The following PLEKHA5 variants were observed in gnomAD, a reference collection of about 807,000 sequenced individuals.
PLEKHA5 encodes pleckstrin homology domain-containing family A member 5.
A neutral mutation model predicts 181.9 loss-of-function variants in PLEKHA5; 55 were observed. The ratio of observed to expected loss-of-function variants is 0.30; its 90% CI spans 0.24 to 0.38. PLEKHA5 has a LOEUF of 0.38. Ranked by LOEUF, PLEKHA5 falls within the 10% of genes least tolerant of loss-of-function variation. PLEKHA5 has a pLI of 1.00. For missense variants in PLEKHA5, 1,432 were observed against 1,549.5 expected, an observed-to-expected ratio of 0.92 and a Z score of 1.27; for synonymous variants, 535 against 529.4, an observed-to-expected ratio of 1.01 and a Z score of -0.15.
chr12:19,348,942 A>G (rs2094459893), intron 25 of PLEKHA5, among the ~76,000 whole-genome samples: 1 of 152,190 alleles, frequency 6.6e-6, no homozygotes, highest in Admixed American at 6.6e-5. Flanking sequence ...AGCCTGGGCA[A>G]CAGAGCAAGA....
At chr12:19,360,313 AC>A (rs1187438997) in intron 28 of PLEKHA5, among the ~76,000 whole-genome samples, 113 of 144,620 alleles carry the variant, frequency 7.8e-4, no homozygotes, top group African/African-American at 2.7e-3. Flanking sequence ...AAAAAAAAAA[AC>A]AAAAAAAACG....
chr12:19,356,339 A>AC (rs1279664007), intron 26 of PLEKHA5, among the ~76,000 whole-genome samples: 1 of 151,416 alleles, frequency 6.6e-6, no homozygotes, highest in Admixed American at 6.6e-5. Context: ...ACATAAGGAG[A>AC]CCCCATCTCT....
intron 3 of PLEKHA5, among the ~76,000 whole-genome samples, chr12:19,165,255 T>C (rs1233425429): frequency 6.6e-6 from 1 of 152,188 alleles, no homozygotes; most frequent in African/African-American, 2.4e-5. Context: ...TTTTCCTGTT[T>C]AGTAGTCTAT....
At chr12:19,226,435 T>C (rs922279736) in intron 3 of PLEKHA5, among the ~76,000 whole-genome samples, 9 of 152,214 alleles carry the variant, frequency 5.9e-5, no homozygotes, top group Non-Finnish European at 1.0e-4. Flanking sequence ...TACCTGTTTT[T>C]AATTATTTGG....
chr12:19,360,738 G>T (rs962447934), intron 28 of PLEKHA5, among the ~76,000 whole-genome samples: 2 of 151,324 alleles, frequency 1.3e-5, no homozygotes, highest in Admixed American at 1.3e-4. Context: ...TATCCCAACA[G>T]CTAGGTCTTA....
intron 3 of PLEKHA5, among the ~76,000 whole-genome samples, chr12:19,185,819 G>T (rs1308195559): frequency 6.6e-6 from 1 of 152,128 alleles, no homozygotes; most frequent in Admixed American, 6.6e-5. Flanking sequence ...TTGTTCCAAG[G>T]ATAGCCATTA....
rs772313543 is a variant in PLEKHA5, at chr12:19,132,446, A to G, written c.223A>G (p.Ile75Val). Residue 75 changes from isoleucine to valine, a missense_variant, in exon 3 of 32, where the codon ATA becomes GTA. Around this residue, in one of 2 missense-constraint regions of PLEKHA5, gnomAD observed 289 missense variants for 381.1 expected, o/e 0.76. Coordinates refer to ENST00000429027, the MANE Select transcript of PLEKHA5 (RefSeq NM_001256470.2). The part of the protein sequence containing the change: ...AYTFEGARYY[I>V]NHNERKVTCK... ...TACTTTTGAAGGTGCAAGATACTAT[A>G]TAAAGTGAGTTTTTTGACTTTCATT... 26 of 1,542,530 alleles carry G rather than the reference A, an allele frequency of 1.7e-5. No homozygotes were observed. The highest frequency in any genetic ancestry group is 2.2e-5 in the Non-Finnish European group (25 of 1,127,562).
At chr12:19,155,707 A>G (rs1181839171) in intron 3 of PLEKHA5, among the ~76,000 whole-genome samples, 1 of 152,228 alleles carries the variant, frequency 6.6e-6, no homozygotes, top group African/African-American at 2.4e-5. Flanking sequence ...CTTAGGTGAC[A>G]AGGTTCTTAC....
chr12:19,241,528 G>A (rs373276576), intron 3 of PLEKHA5, among the ~76,000 whole-genome samples: 7 of 152,066 alleles, frequency 4.6e-5, no homozygotes, highest in Non-Finnish European at 7.4e-5. Flanking sequence ...AAGCCGAGGC[G>A]GGCGGATCAC....
intron 3 of PLEKHA5, chr12:19,152,034 T>C (rs1351021096): frequency 6.6e-6 from 1 of 151,558 alleles, no homozygotes; most frequent in Non-Finnish European, 1.5e-5. Context: ...GCCCGGCTAA[T>C]TTTTTGTACT....
At chr12:19,306,342 T>G in intron 15 of PLEKHA5, 250 of 415,924 alleles carry the variant, frequency 6.0e-4, no homozygotes, top group East Asian at 1.6e-3. Flanking sequence ...GGGTGGCCGT[T>G]TGTTTTCTCG....
Position 19,358,451 on chromosome 12 carries a change from A to G in PLEKHA5, c.3348+14A>G, listed in dbSNP as rs375243504. 3.9e-6 allele frequency: 6 copies of G among 1,519,382 alleles called. No homozygotes were observed. The highest frequency in any genetic ancestry group is 3.4e-5 in the South Asian group (3 of 88,518). 94.1% of individuals were successfully genotyped at this position (1,519,382 alleles called of 1,614,324 possible). A position where few individuals can be genotyped will look rare whatever the true frequency, so the allele number is the denominator to read the frequency against. ...AGGACTACTCAGGTATATGAATTGCATTTGATTATTATTTTGTGTAAATCT... is the reference window on the plus strand; with the variant it reads ...AGGACTACTCAGGTATATGAATTGCGTTTGATTATTATTTTGTGTAAATCT... On this transcript the variant is annotated intron_variant, in intron 27 of 31. Coordinates refer to ENST00000429027, the MANE Select transcript of PLEKHA5 (RefSeq NM_001256470.2).
intron 20 of PLEKHA5, among the ~76,000 whole-genome samples, chr12:19,331,535 T>C (rs2092832403): frequency 6.6e-6 from 1 of 152,170 alleles, no homozygotes; most frequent in East Asian, 1.9e-4. Flanking sequence ...GGACATAGTA[T>C]ATATCTGCTA....
intron 15 of PLEKHA5, chr12:19,306,871 T>C: frequency 1.3e-6 from 1 of 794,624 alleles, no homozygotes; most frequent in Non-Finnish European, 2.2e-6. Context: ...CAGAAGGAGT[T>C]ATTCCTGATA....
rs561325872 is a variant in PLEKHA5, at chr12:19,283,543, G to A, written c.1577G>A (p.Arg526Gln). ...QFYNKQSTLP[R>Q]HSTLSSPKTM... ...TATAACAAACAGAGCACCCTCCCTC[G>A]ACACAGTACTTTGAGTAGTCCCAAA... Residue 526 changes from arginine to glutamine, a missense_variant, in exon 12 of 32, where the codon CGA becomes CAA. By Grantham distance (43) the Arg-to-Gln change is conservative. This residue lies in a region of PLEKHA5 where 1,143 missense variants were observed against 1,168.4 expected (regional missense o/e 0.98). Transcript: ENST00000429027. The A allele has an allele frequency of 6.2e-6, 10 of 1,614,096 alleles. No individual in the cohort carries two copies. The African/African-American group carries it at 6.7e-5, about 11-fold the overall frequency.
At chr12:19,286,274 A>C (rs762346830) in intron 12 of PLEKHA5, among the ~76,000 whole-genome samples, 9 of 152,232 alleles carry the variant, frequency 5.9e-5, no homozygotes, top group Non-Finnish European at 1.2e-4. Context: ...ATTCATTTAA[A>C]GTACAAATAG....
intron 21 of PLEKHA5, among the ~76,000 whole-genome samples, chr12:19,336,991 T>TC (rs2093476776): frequency 6.8e-6 from 1 of 147,968 alleles, no homozygotes; most frequent in Non-Finnish European, 1.5e-5. Flanking sequence ...ATCTTTTTTT[T>TC]TTTTTTTTTT....
chr12:19,149,050 A>T (rs1230740376), intron 3 of PLEKHA5, among the ~76,000 whole-genome samples: 15 of 152,130 alleles, frequency 9.9e-5, no homozygotes, highest in Non-Finnish European at 1.9e-4. Context: ...TTCCTTTCTG[A>T]CCTGCTATTT....
chr12:19,144,157 C>A (rs2038238031), intron 3 of PLEKHA5, among the ~76,000 whole-genome samples: 1 of 152,148 alleles, frequency 6.6e-6, no homozygotes, highest in Non-Finnish European at 1.5e-5. Flanking sequence ...GATAGAGAGT[C>A]TGTATGGATT....
Sources: allele counts gnomAD v4.1 joint callset (sites outside exome capture counted in the v4.1 genomes callset), GRCh38; gene constraint gnomAD v4.1.1; regional missense constraint gnomAD v4.1.1; transcripts MANE v1.5; gene names NCBI Gene and HGNC (gene_info 2026-07-23, HGNC 2026-07-21).